The following ME1 variants were observed in gnomAD, a reference collection of about 807,000 sequenced individuals.
ME1 encodes the protein malic enzyme 1.
A neutral mutation model predicts 66.4 loss-of-function variants in ME1; 74 were observed. The observed-to-expected ratio is 1.11, with a 90% CI of 0.92 to 1.35. The LOEUF is 1.35. Among genes scored for constraint, ME1 ranks in the 40% most tolerant of loss-of-function variants. The pLI is 0.00. For missense variants in ME1, 750 were observed against 694.1 expected, an observed-to-expected ratio of 1.08 and a Z score of -0.90; for synonymous variants, 251 against 235.6, an observed-to-expected ratio of 1.07 and a Z score of -0.60.
intron 6 of ME1, among the ~76,000 whole-genome samples, chr6:83,254,485 T>C (rs1790770743): frequency 1.3e-5 from 2 of 152,174 alleles, no homozygotes; most frequent in South Asian, 2.1e-4. Context: ...TTTCAACATA[T>C]ACAACGTAAC....
At chr6:83,418,006 G>A (rs1017782829) in intron 1 of ME1, among the ~76,000 whole-genome samples, 1 of 152,140 alleles carries the variant, frequency 6.6e-6, no homozygotes, top group African/African-American at 2.4e-5. Flanking sequence ...GTTGAAAACT[G>A]TTGCAGAGGA....
chr6:83,300,514 A>G (rs1767694199), intron 6 of ME1, among the ~76,000 whole-genome samples: 1 of 151,972 alleles, frequency 6.6e-6, no homozygotes, highest in Admixed American at 6.6e-5. Context: ...TCCATTATCT[A>G]TAGAGAACTT....
At chr6:83,419,459 T>A (rs756982203) in intron 1 of ME1, among the ~76,000 whole-genome samples, 4 of 152,204 alleles carry the variant, frequency 2.6e-5, no homozygotes, top group Non-Finnish European at 5.9e-5. Flanking sequence ...TAAGGGCATA[T>A]CTGATTCATG....
intron 3 of ME1, among the ~76,000 whole-genome samples, chr6:83,382,034 TCCTTTTTTTTTTC>T (rs1430906641): frequency 1.3e-5 from 2 of 151,458 alleles, no homozygotes; most frequent in Non-Finnish European, 1.5e-5. Flanking sequence ...TTTTATTTTT[TCCTTTTTTTTTTC>T]CCTGATTTTC....
intron 2 of ME1, among the ~76,000 whole-genome samples, chr6:83,400,115 T>C (rs1045431585): frequency 2.0e-5 from 3 of 152,196 alleles, no homozygotes; most frequent in Non-Finnish European, 4.4e-5. Context: ...TCTGTTTCCT[T>C]GCTGTTTTCT....
At chr6:83,413,198 A>G (rs1052688074) in intron 1 of ME1, among the ~76,000 whole-genome samples, 1 of 152,144 alleles carries the variant, frequency 6.6e-6, no homozygotes, top group Non-Finnish European at 1.5e-5. Context: ...TTTGGTAGAG[A>G]CTGGGTTTCA....
At chr6:83,259,531 A>G (rs1257427141) in intron 6 of ME1, among the ~76,000 whole-genome samples, 1 of 152,162 alleles carries the variant, frequency 6.6e-6, no homozygotes, top group African/African-American at 2.4e-5. Context: ...TACTGGGGAG[A>G]TGACAAATAT....
intron 2 of ME1, among the ~76,000 whole-genome samples, chr6:83,406,389 G>A (rs1562005445): frequency 6.6e-6 from 1 of 152,188 alleles, no homozygotes; most frequent in Non-Finnish European, 1.5e-5. Context: ...GTTTGGAATA[G>A]TTTCAGAAGG....
At chr6:83,321,851 G>C (rs1050517096) in intron 5 of ME1, among the ~76,000 whole-genome samples, 1 of 152,222 alleles carries the variant, frequency 6.6e-6, no homozygotes, top group Admixed American at 6.5e-5. Context: ...TGTGCCTCCT[G>C]ACGGAGAGAC....
chr6:83,359,637 T>G (rs1429902895), intron 3 of ME1, among the ~76,000 whole-genome samples: 2 of 152,132 alleles, frequency 1.3e-5, no homozygotes, highest in African/African-American at 2.4e-5. Context: ...CTTGGTTTAA[T>G]GTAGAGGAAG....
chr6:83,422,448 A>C (rs1770286533), intron 1 of ME1, among the ~76,000 whole-genome samples: 1 of 152,216 alleles, frequency 6.6e-6, no homozygotes, highest in African/African-American at 2.4e-5. Context: ...TAGATTAAAA[A>C]ATCACTCAAC....
At chr6:83,368,068 G>A (rs1252911386) in intron 3 of ME1, among the ~76,000 whole-genome samples, 3 of 151,986 alleles carry the variant, frequency 2.0e-5, no homozygotes, top group East Asian at 1.9e-4. Flanking sequence ...GAATAGGCCC[G>A]AGAAAAGTGA....
chr6:83,280,083 G>A lies in ME1; in HGVS notation c.705-26345C>T, dbSNP rs1767260359. On this transcript the variant is annotated intron_variant, in intron 6 of 13. Transcript: ENST00000369705. The stretch of plus-strand genomic sequence containing the variant: ...TCAGACAAAAATGAAGACATTTCTT[G>A]TCAGTAGACCTGCCTTGCAGTAATA... Among the ~76,000 whole-genome samples the A allele has an allele frequency of 3.3e-5, 5 of 152,102 alleles. No homozygotes were observed. The South Asian group carries it at 1.0e-3, about 31-fold the overall frequency.
chr6:83,316,700 A>G (rs976179694), intron 5 of ME1, among the ~76,000 whole-genome samples: 1 of 152,108 alleles, frequency 6.6e-6, no homozygotes, highest in Non-Finnish European at 1.5e-5. Context: ...ATCCCAGTAG[A>G]AAAAAATACA....
intron 6 of ME1, among the ~76,000 whole-genome samples, chr6:83,286,980 A>G (rs763421552): frequency 6.6e-6 from 1 of 152,200 alleles, no homozygotes; most frequent in Non-Finnish European, 1.5e-5. Context: ...AGCACTTACT[A>G]TAGGTATTAG....
In ME1 at chr6:83,296,467, TC is replaced by T. The variant is rs999376503; in HGVS notation, c.704+18842del. ...AAAAGGCTATCGATAAAATTCAACA[TC>T]CCTTTCTGTTAAAAATGCTCAATAA... On this transcript the variant is annotated intron_variant, in intron 6 of 13. Transcript: ENST00000369705. Among the ~76,000 whole-genome samples, 17 of 152,210 alleles carry T rather than the reference TC, an allele frequency of 1.1e-4. No individual in the cohort carries two copies. The East Asian group carries it at 1.7e-3, about 16-fold the overall frequency.
intron 6 of ME1, among the ~76,000 whole-genome samples, chr6:83,285,560 T>C (rs1313475188): frequency 6.6e-6 from 1 of 151,970 alleles, no homozygotes. Flanking sequence ...GATATGCAAA[T>C]ATTGAAGGGA....
intron 5 of ME1, among the ~76,000 whole-genome samples, chr6:83,319,824 C>T (rs796264520): frequency 3.3e-5 from 5 of 152,250 alleles, no homozygotes; most frequent in African/African-American, 9.6e-5. Flanking sequence ...TTGCTATGTA[C>T]CATTTAGAGC....
intron 3 of ME1, among the ~76,000 whole-genome samples, chr6:83,374,063 T>C (rs1208421981): frequency 6.6e-6 from 1 of 152,224 alleles, no homozygotes; most frequent in Non-Finnish European, 1.5e-5. Flanking sequence ...AATAAACATA[T>C]GTGTGCATGT....
Sources: allele counts gnomAD v4.1 joint callset (sites outside exome capture counted in the v4.1 genomes callset), GRCh38; gene constraint gnomAD v4.1.1; transcripts MANE v1.5; gene names NCBI Gene and HGNC (gene_info 2026-07-23, HGNC 2026-07-21).